The following DEPDC5 variants were observed in gnomAD, a reference collection of about 807,000 sequenced individuals.
The protein encoded by DEPDC5 is DEP domain containing 5, GATOR1 subcomplex subunit.
Under a neutral mutation model 217.3 loss-of-function variants are expected in DEPDC5, and 73 were observed. The observed-to-expected ratio is 0.34, with a 90% CI of 0.28 to 0.41. DEPDC5 has a LOEUF of 0.41. Among genes scored for constraint, DEPDC5 ranks in the 10% least tolerant of loss-of-function variants. The probability of loss-of-function intolerance (pLI) is 1.00; values close to 1 mark genes in which losing one functional copy is unlikely to be tolerated. For missense variants in DEPDC5, 1,675 were observed against 2,070.1 expected (o/e 0.81, Z 3.70); for synonymous variants, 733 against 756.7 (o/e 0.97, Z 0.51).
chr22:31,861,388 G>A lies in DEPDC5; in HGVS notation c.3285G>A (p.Glu1095=). Residue 1095 remains glutamate (E), a synonymous_variant, in exon 33 of 43, where the codon GAG becomes GAA. Transcript: ENST00000651528. ...TTCAGGACGGGGCCTTCTTTATGGAGTTTGTCCGCAGCCCACGCACAGCAT... is the reference window on the plus strand; with the variant it reads ...TTCAGGACGGGGCCTTCTTTATGGAATTTGTCCGCAGCCCACGCACAGCAT... ...SPRKDGAFFM[E]FVRSPRTASS... 1.9e-6 allele frequency: 3 copies of A among 1,551,552 alleles called. No homozygotes were observed. Among genetic ancestry groups the A allele is most frequent in the Non-Finnish European group, 2.6e-6 (3 of 1,146,958 alleles).
chr22:31,833,114 G>A (rs2090725249), intron 24 of DEPDC5, among the ~76,000 whole-genome samples: 1 of 152,156 alleles, frequency 6.6e-6, no homozygotes, highest in Non-Finnish European at 1.5e-5. Context: ...CCAGGCTGGG[G>A]AGCAGTGGAG....
chr22:31,776,465 C>T (rs769365642), intron 7 of DEPDC5, among the ~76,000 whole-genome samples: 25 of 151,828 alleles, frequency 1.6e-4, no homozygotes, highest in Non-Finnish European at 1.9e-4. Context: ...TTACTATGGC[C>T]ATTCACGTAG....
intron 20 of DEPDC5, 111 bp downstream of exon 20, chr22:31,810,752 T>C (rs540819843): frequency 2.0e-6 from 3 of 1,520,082 alleles, no homozygotes; most frequent in Admixed American, 4.3e-5. Flanking sequence ...TGTTTTGTTT[T>C]GTTTCGTTTT....
chr22:31,897,718 A>G, intron 40 of DEPDC5, 65 bp downstream of exon 40: 1 of 1,562,682 alleles, frequency 6.4e-7, no homozygotes. Flanking sequence ...CAAGGACACC[A>G]CTCTGGGTAT....
intron 38 of DEPDC5, among the ~76,000 whole-genome samples, chr22:31,880,455 G>T (rs897801376): frequency 4.6e-5 from 7 of 152,198 alleles, no homozygotes; most frequent in African/African-American, 1.7e-4. Context: ...CAAGTTGGAG[G>T]ATCCTGAAAG....
At chr22:31,757,365 G>A (rs138599799) in intron 2 of DEPDC5, 2,068 of 152,292 alleles carry the variant, frequency 0.014, 16 homozygotes, top group Middle Eastern at 0.031. Context: ...GGGACCACCA[G>A]CTTGCCTTAG....
At chr22:31,830,129 TGTAGCCCA>T (rs1475571320) in intron 24 of DEPDC5, among the ~76,000 whole-genome samples, 1 of 152,246 alleles carries the variant, frequency 6.6e-6, no homozygotes, top group African/African-American at 2.4e-5. Flanking sequence ...GTGCTGCCTC[TGTAGCCCA>T]GAGAAGAGAA....
At position 31,804,849 on chromosome 22, in the gene DEPDC5, A is replaced by G. The variant is rs746801642; in HGVS notation, c.1151A>G (p.Asn384Ser). 1 of 1,613,546 alleles carries G rather than the reference A, an allele frequency of 6.2e-7. No individual in the cohort carries two copies. The highest frequency in any genetic ancestry group is 1.1e-5 in the South Asian group (1 of 91,076). ...LHAVPLFKLHNRSAPRDSRLG... is the reference protein window; with the variant it reads ...LHAVPLFKLHSRSAPRDSRLG... ...TCATTTTTCTCCTTGCAGCTCCATA[A>G]TCGGAGTGCTCCCCGTGATTCTCGT... Residue 384 changes from asparagine (N) to serine (S), a missense_variant, in exon 17 of 43, where the codon AAT becomes AGT. Physicochemically the swap from Asn to Ser is conservative, Grantham distance 46. Around this residue, in one of 11 missense-constraint regions of DEPDC5, gnomAD observed 628 missense variants for 762.1 expected, o/e 0.82. Transcript: ENST00000651528.
At chr22:31,854,153 G>A (rs764899141) in intron 31 of DEPDC5, among the ~76,000 whole-genome samples, 2 of 152,186 alleles carry the variant, frequency 1.3e-5, no homozygotes, top group Non-Finnish European at 2.9e-5. Flanking sequence ...ATACACATAT[G>A]CATTGTACCT....
At chr22:31,874,147 G>A (rs1009143112) in intron 35 of DEPDC5, 126 bp from the exon 36 acceptor site, 5 of 1,381,576 alleles carry the variant, frequency 3.6e-6, no homozygotes, top group Non-Finnish European at 4.9e-6. Context: ...TCTAGGAATA[G>A]CATAGGGACA....
intron 23 of DEPDC5, among the ~76,000 whole-genome samples, chr22:31,822,310 G>A (rs1173122903): frequency 1.3e-5 from 2 of 152,144 alleles, no homozygotes; most frequent in Non-Finnish European, 2.9e-5. Flanking sequence ...GATAGATAAG[G>A]GATATGGGGA....
intron 39 of DEPDC5, among the ~76,000 whole-genome samples, chr22:31,895,604 A>C: frequency 6.6e-6 from 1 of 152,130 alleles, no homozygotes; most frequent in East Asian, 1.9e-4. Flanking sequence ...CCATCTCTTC[A>C]TACAACAGAG....
chr22:31,775,774 G>A (rs2083772850), intron 7 of DEPDC5, among the ~76,000 whole-genome samples: 1 of 151,990 alleles, frequency 6.6e-6, no homozygotes. Context: ...GGGCACAGTG[G>A]CTCACACCTG....
At chr22:31,817,677 C>T (rs545132798) in intron 21 of DEPDC5, among the ~76,000 whole-genome samples, 12 of 150,856 alleles carry the variant, frequency 8.0e-5, no homozygotes, top group African/African-American at 1.7e-4. Context: ...TTTGTAGGGA[C>T]GGTCTCAATC....
intron 10 of DEPDC5, among the ~76,000 whole-genome samples, chr22:31,785,978 T>G (rs2084940842): frequency 6.6e-6 from 1 of 152,064 alleles, no homozygotes; most frequent in South Asian, 2.1e-4. Context: ...ATATAAGAGC[T>G]AAAGTCATCT....
At chr22:31,849,787 A>C (rs1361979837) in intron 31 of DEPDC5, among the ~76,000 whole-genome samples, 1 of 151,980 alleles carries the variant, frequency 6.6e-6, no homozygotes, top group Admixed American at 6.6e-5. Context: ...TCTAAAAAAA[A>C]AAAATAAGTA....
chr22:31,846,243 T>G (rs2091729998), intron 30 of DEPDC5, among the ~76,000 whole-genome samples: 1 of 152,228 alleles, frequency 6.6e-6, no homozygotes. Flanking sequence ...TGTGACCTTT[T>G]GAGGCTGCCT....
intron 22 of DEPDC5, among the ~76,000 whole-genome samples, chr22:31,820,260 C>T (rs1456212185): frequency 2.0e-5 from 3 of 152,010 alleles, no homozygotes; most frequent in Non-Finnish European, 4.4e-5. Context: ...TACAGGCATA[C>T]ATCACCACAC....
At chr22:31,775,192 T>C (rs1011811864) in intron 7 of DEPDC5, among the ~76,000 whole-genome samples, 6 of 152,028 alleles carry the variant, frequency 3.9e-5, no homozygotes, top group African/African-American at 1.4e-4. Context: ...TCCTTTTTTT[T>C]TTTTGAGACA....
Sources: allele counts gnomAD v4.1 joint callset (sites outside exome capture counted in the v4.1 genomes callset), GRCh38; gene constraint gnomAD v4.1.1; regional missense constraint gnomAD v4.1.1; transcripts MANE v1.5; gene names NCBI Gene and HGNC (gene_info 2026-07-23, HGNC 2026-07-21).